Variants in SLC7A7 observed in about 807,000 individuals in gnomAD.
The protein encoded by SLC7A7 is Y+L amino acid transporter 1.
A neutral mutation model predicts 47.9 loss-of-function variants in SLC7A7; 39 were observed. That is an observed-to-expected ratio of 0.81 (90% CI 0.63 to 1.06). The LOEUF is 1.06. Among genes scored for constraint, SLC7A7 ranks in the 50% least tolerant of loss-of-function variants. SLC7A7 has a pLI of 0.00. For synonymous variants in SLC7A7, 234 were observed against 242.8 expected, an observed-to-expected ratio of 0.96 and a Z score of 0.34; for missense variants, 588 against 632.0, an observed-to-expected ratio of 0.93 and a Z score of 0.75.
At chr14:22,806,679 G>A (rs1298018169) in intron 2 of SLC7A7, among the ~76,000 whole-genome samples, 1 of 152,042 alleles carries the variant, frequency 6.6e-6, no homozygotes, top group Non-Finnish European at 1.5e-5. Context: ...TGTGCATGAA[G>A]GATTATGGGA....
chr14:22,815,580 G>GCA (rs2039395154), upstream of SLC7A7: 1 of 453,976 alleles, frequency 2.2e-6, no homozygotes, highest in African/African-American at 2.0e-5. Flanking sequence ...CTGCAAAAGG[G>GCA]GCAGCTAGGA....
chr14:22,787,975 A>G (rs1442318948), intron 2 of SLC7A7, among the ~76,000 whole-genome samples: 1 of 151,676 alleles, frequency 6.6e-6, no homozygotes, highest in African/African-American at 2.4e-5. Context: ...CGGGAGGCTG[A>G]GGCAGGAGAA....
In SLC7A7 at chr14:22,773,918, G is replaced by T. The variant is rs766845529; in HGVS notation, c.1429+15C>A. ...CTCTGCAATAGCTGAGCGGACTTAA[G>T]GATGCACGGCTTACCCACGATCCTT... On this transcript the variant is annotated intron_variant, in intron 9 of 9. Coordinates refer to ENST00000674313, the MANE Select transcript of SLC7A7 (RefSeq NM_003982.4). 3 of 1,613,754 alleles carry T rather than the reference G, an allele frequency of 1.9e-6. No individual in the cohort carries two copies. Among genetic ancestry groups the T allele is most frequent in the Non-Finnish European group, 2.5e-6 (3 of 1,180,010 alleles).
intron 2 of SLC7A7, among the ~76,000 whole-genome samples, chr14:22,793,184 T>A (rs1009720944): frequency 1.3e-5 from 2 of 151,934 alleles, no homozygotes; most frequent in Non-Finnish European, 2.9e-5. Context: ...CCCAAAGTGC[T>A]GGGATTACAG....
chr14:22,784,489 G>A (rs2038778534), intron 2 of SLC7A7, among the ~76,000 whole-genome samples: 3 of 152,012 alleles, frequency 2.0e-5, no homozygotes, highest in African/African-American at 7.3e-5. Flanking sequence ...ATGGTGGTGT[G>A]TGCCTGTAGT....
rs567881261 is a variant in SLC7A7 at position 22,807,939 on chromosome 14, T to A, written c.499+4961A>T. On this transcript the variant is annotated intron_variant, in intron 2 of 9. Coordinates refer to ENST00000674313, the MANE Select transcript of SLC7A7 (RefSeq NM_003982.4). ...CAATTTGGGAAGCTGAGGCGGGCAG[T>A]TCGCCTGAGGTTAGGAGTTCGAGAC... is the stretch of plus-strand genomic sequence containing the variant. Among the ~76,000 whole-genome samples, 71 of 152,276 alleles carry A rather than the reference T, an allele frequency of 4.7e-4. 1 individual carries two copies. In the East Asian group the frequency reaches 0.013, roughly 27 times the overall value.
chr14:22,785,272 C>T (rs1346145514), intron 2 of SLC7A7, among the ~76,000 whole-genome samples: 1 of 151,948 alleles, frequency 6.6e-6, no homozygotes, highest in Non-Finnish European at 1.5e-5. Flanking sequence ...AGTGAGACTC[C>T]ATCTCAAAAA....
At chr14:22,783,939 C>G (rs1029030354) in intron 2 of SLC7A7, among the ~76,000 whole-genome samples, 27 of 152,240 alleles carry the variant, frequency 1.8e-4, no homozygotes, top group African/African-American at 6.0e-4. Context: ...CAAAGCCTAG[C>G]TTCCTCCAGG....
At chr14:22,775,745 C>T (rs775431657) in intron 6 of SLC7A7, 88 bp downstream of exon 6, 62 of 1,038,374 alleles carry the variant, frequency 6.0e-5, no homozygotes, top group Non-Finnish European at 8.9e-5. Context: ...GGTTGGAGAA[C>T]ACAAGTAATC....
chr14:22,813,591 C>A (rs893549515), intron 1 of SLC7A7, among the ~76,000 whole-genome samples, 151 bp from the exon 2 acceptor site: 2 of 152,132 alleles, frequency 1.3e-5, no homozygotes, highest in African/African-American at 2.4e-5. Context: ...TCAAAACAAC[C>A]CCAACTTGAA....
intron 4 of SLC7A7, 60 bp downstream of exon 4, chr14:22,778,733 G>C: frequency 6.3e-7 from 1 of 1,582,568 alleles, no homozygotes; most frequent in Non-Finnish European, 8.7e-7. Flanking sequence ...CTGGCACGTA[G>C]TAGGAGCTCA....
chr14:22,810,749 G>C (rs1335400269), intron 2 of SLC7A7, among the ~76,000 whole-genome samples: 1 of 151,816 alleles, frequency 6.6e-6, no homozygotes, highest in East Asian at 1.9e-4. Flanking sequence ...AGGCCAAGGC[G>C]GGCGGATCAC....
At chr14:22,815,814 C>G (rs1189121238), upstream of SLC7A7, 1 of 391,702 alleles carries the variant, frequency 2.6e-6, no homozygotes. Context: ...CCCACCCTAG[C>G]CTCTCTTCTC....
intron 2 of SLC7A7, among the ~76,000 whole-genome samples, chr14:22,802,435 C>CA (rs11361255): frequency 5.3e-5 from 8 of 151,100 alleles, no homozygotes; most frequent in African/African-American, 1.5e-4. Flanking sequence ...AACAAACAAA[C>CA]AAAAAAAATA....
chr14:22,791,448 CT>C, intron 2 of SLC7A7, among the ~76,000 whole-genome samples: 1 of 152,192 alleles, frequency 6.6e-6, no homozygotes, highest in East Asian at 1.9e-4. Flanking sequence ...TCTCAGCTAT[CT>C]TCTGACTGGT....
chr14:22,777,073 G>A (rs1424654683), intron 4 of SLC7A7, among the ~76,000 whole-genome samples: 1 of 149,768 alleles, frequency 6.7e-6, no homozygotes, highest in Admixed American at 6.7e-5. Flanking sequence ...AGCCTGGGGA[G>A]GTCAAGGCTG....
At chr14:22,775,640 A>C in intron 6 of SLC7A7, 100 bp from the exon 7 acceptor site, 1 of 1,077,558 alleles carries the variant, frequency 9.3e-7, no homozygotes, top group Non-Finnish European at 1.4e-6. Flanking sequence ...CCCTTCCTTC[A>C]AAAGTATTTG....
chr14:22,810,903 G>A (rs1213390189), intron 2 of SLC7A7, among the ~76,000 whole-genome samples: 1 of 152,236 alleles, frequency 6.6e-6, no homozygotes. Flanking sequence ...ACTTGAACCC[G>A]GGAGGCAGAG....
In SLC7A7 at chr14:22,779,917, A is replaced by G; in HGVS notation, c.625+9T>C. 2 of 1,613,976 alleles carry G rather than the reference A, an allele frequency of 1.2e-6. No homozygotes were observed. Among genetic ancestry groups the G allele is most frequent in the African/African-American group, 1.3e-5 (1 of 75,024 alleles). On this transcript the variant is annotated intron_variant, in intron 3 of 9. Coordinates refer to ENST00000674313, the MANE Select transcript of SLC7A7 (RefSeq NM_003982.4). ...AAAAAGATTAGTTGCTACTAATATT[A>G]TTTCTTACCCTGGCCAAGTCTAACA...
Sources: gnomAD v4.1 joint callset for allele counts (sites outside exome capture counted in the v4.1 genomes callset) on GRCh38, gnomAD v4.1.1 for gene constraint, MANE v1.5 for transcripts, NCBI Gene and HGNC (gene_info 2026-07-23, HGNC 2026-07-21) for gene names.